Variants in SLC24A2 observed in about 807,000 individuals in gnomAD.
SLC24A2 encodes the protein sodium/potassium/calcium exchanger 2.
A neutral mutation model predicts 62.0 loss-of-function variants in SLC24A2; 36 were observed. The ratio of observed to expected loss-of-function variants is 0.58; its 90% CI spans 0.44 to 0.77. SLC24A2 has a LOEUF of 0.77. Among genes scored for constraint, SLC24A2 ranks in the 30% least tolerant of loss-of-function variants. The pLI is 0.00. For synonymous variants in SLC24A2, 358 were observed against 294.0 expected (o/e 1.22, Z -2.23); for missense variants, 846 against 817.9 (o/e 1.03, Z -0.42).
At chr9:20,194,540 G>C in the SLC24A2 span, among the ~76,000 whole-genome samples, 1 of 152,032 alleles carries the variant, frequency 6.6e-6, no homozygotes, top group African/African-American at 2.4e-5. Context: ...ATTTAACAGA[G>C]TTTATTGAAG....
intron 2 of SLC24A2, among the ~76,000 whole-genome samples, chr9:19,686,207 T>C (rs1035160282): frequency 6.6e-6 from 1 of 152,072 alleles, no homozygotes; most frequent in Non-Finnish European, 1.5e-5. Context: ...AAAACCACAG[T>C]GGGATACCAT....
the SLC24A2 span, among the ~76,000 whole-genome samples, chr9:20,280,051 G>A: frequency 1.3e-5 from 2 of 152,242 alleles, no homozygotes; most frequent in South Asian, 2.1e-4. Context: ...GGGAAAAATA[G>A]GCTATTGCCT....
chr9:20,069,786 A>G, the SLC24A2 span, among the ~76,000 whole-genome samples: 1 of 152,190 alleles, frequency 6.6e-6, no homozygotes, highest in Admixed American at 6.5e-5. Flanking sequence ...AGATTCATCC[A>G]TATTATTTTA....
At chr9:19,878,362 G>A in the SLC24A2 span, among the ~76,000 whole-genome samples, 2 of 152,124 alleles carry the variant, frequency 1.3e-5, no homozygotes, top group African/African-American at 2.4e-5. Context: ...AATCCAGGAT[G>A]AGCACTTGGA....
At chr9:19,928,350 T>C in the SLC24A2 span, 1 of 152,242 alleles carries the variant, frequency 6.6e-6, no homozygotes, top group African/African-American at 2.4e-5. Flanking sequence ...AAATGATGTA[T>C]ACAGCTAGAG....
Position 19,788,971 on chromosome 9 carries a change from T to G in SLC24A2, c.-240A>C, listed in dbSNP as rs1419438570. On this transcript the variant is annotated 5_prime_UTR_variant, in exon 1 of 11. Coordinates refer to ENST00000341998, the MANE Select transcript of SLC24A2 (RefSeq NM_020344.4). ...CCGCCGGCCCTCCGCCTACCCGCTC[T>G]GAGGCCCGGGCTCTGGCTCGCACTG... 10 of 984,032 alleles carry G rather than the reference T, an allele frequency of 1.0e-5. No individual in the cohort carries two copies. Among genetic ancestry groups the G allele is most frequent in the Non-Finnish European group, 1.1e-5 (9 of 828,792 alleles). 61.0% of individuals were successfully genotyped at this position (984,032 alleles called of 1,614,324 possible).
intron 5 of SLC24A2, among the ~76,000 whole-genome samples, chr9:19,592,483 T>C (rs1382511556): frequency 7.0e-6 from 1 of 142,042 alleles, no homozygotes; most frequent in East Asian, 3.2e-4. Flanking sequence ...CCGACCTACC[T>C]ACCTACCTAC....
the SLC24A2 span, among the ~76,000 whole-genome samples, chr9:19,810,984 C>T: frequency 3.6e-4 from 19 of 52,486 alleles, no homozygotes; most frequent in African/African-American, 7.6e-4. Flanking sequence ...TCCACAACCT[C>T]TTTCACTCCG....
At chr9:19,683,536 C>CTTT (rs74320355) in intron 2 of SLC24A2, among the ~76,000 whole-genome samples, 69 of 143,188 alleles carry the variant, frequency 4.8e-4, no homozygotes, top group African/African-American at 1.5e-3. Flanking sequence ...GTGCTCTGAA[C>CTTT]TTTTTTTTTT....
At chr9:19,793,974 G>C (rs2118968407), upstream of SLC24A2, among the ~76,000 whole-genome samples, 1 of 152,304 alleles carries the variant, frequency 6.6e-6, no homozygotes, top group Admixed American at 6.5e-5. Context: ...AGCCTGGACT[G>C]ATTTTGTTTG....
chr9:19,984,627 A>G, the SLC24A2 span, among the ~76,000 whole-genome samples: 1 of 152,166 alleles, frequency 6.6e-6, no homozygotes, highest in Non-Finnish European at 1.5e-5. Context: ...AATCTCTGGA[A>G]CCCAGGAGGC....
At chr9:20,038,986 A>G in the SLC24A2 span, among the ~76,000 whole-genome samples, 2 of 152,250 alleles carry the variant, frequency 1.3e-5, no homozygotes, top group Admixed American at 6.5e-5. Context: ...TCTTAAATAG[A>G]AATGGAAATT....
At chr9:19,830,020 A>C in the SLC24A2 span, among the ~76,000 whole-genome samples, 1 of 151,936 alleles carries the variant, frequency 6.6e-6, no homozygotes, top group Non-Finnish European at 1.5e-5. Context: ...ATATCAGCCT[A>C]CTTGGCTCCC....
intron 2 of SLC24A2, among the ~76,000 whole-genome samples, chr9:19,627,557 C>G (rs1207332405): frequency 6.6e-6 from 1 of 152,112 alleles, no homozygotes; most frequent in Non-Finnish European, 1.5e-5. Flanking sequence ...GAGGCTTGCT[C>G]TGTTGTTGCC....
At chr9:19,966,046 A>G in the SLC24A2 span, among the ~76,000 whole-genome samples, 1 of 151,964 alleles carries the variant, frequency 6.6e-6, no homozygotes, top group East Asian at 1.9e-4. Flanking sequence ...CCTCCTTTTG[A>G]TTGGCTTGAT....
At chr9:19,709,586 A>T (rs867109274) in intron 2 of SLC24A2, among the ~76,000 whole-genome samples, 7 of 151,900 alleles carry the variant, frequency 4.6e-5, no homozygotes, top group Middle Eastern at 3.4e-3. Context: ...TAAAAAATGA[A>T]GAGTTCATGT....
At chr9:19,898,937 C>T in the SLC24A2 span, among the ~76,000 whole-genome samples, 1 of 152,034 alleles carries the variant, frequency 6.6e-6, no homozygotes, top group African/African-American at 2.4e-5. Flanking sequence ...AGCATATGAA[C>T]AGAAACAATA....
chr9:20,290,446 C>T, the SLC24A2 span, among the ~76,000 whole-genome samples: 11 of 152,240 alleles, frequency 7.2e-5, no homozygotes, highest in African/African-American at 2.2e-4. Flanking sequence ...CCTCTTCAGG[C>T]CAGCCTTGGC....
the SLC24A2 span, among the ~76,000 whole-genome samples, chr9:20,270,165 C>G: frequency 6.6e-6 from 1 of 152,142 alleles, no homozygotes. Context: ...CAGAAGGGCA[C>G]CAACCTATTC....
Sources: gnomAD v4.1 joint callset for allele counts (sites outside exome capture counted in the v4.1 genomes callset) on GRCh38, gnomAD v4.1.1 for gene constraint, MANE v1.5 for transcripts, NCBI Gene and HGNC (gene_info 2026-07-23, HGNC 2026-07-21) for gene names.